The following SKAP1 variants were observed in gnomAD, a reference collection of about 807,000 sequenced individuals.
The protein encoded by SKAP1 is src kinase associated phosphoprotein 1.
In SKAP1, 44 loss-of-function variants were observed where a neutral mutation model predicts 58.5. That is an observed-to-expected ratio of 0.75 (90% CI 0.59 to 0.97). SKAP1 has a LOEUF of 0.97. Ranked by LOEUF, SKAP1 falls within the 50% of genes least tolerant of loss-of-function variation. SKAP1 has a pLI of 0.00. For missense variants in SKAP1, 390 were observed against 435.2 expected, an observed-to-expected ratio of 0.90 and a Z score of 0.92; for synonymous variants, 127 against 149.7, an observed-to-expected ratio of 0.85 and a Z score of 1.11.
intron 4 of SKAP1, among the ~76,000 whole-genome samples, chr17:48,255,926 A>G (rs1419869961): frequency 6.6e-6 from 1 of 152,148 alleles, no homozygotes; most frequent in African/African-American, 2.4e-5. Context: ...ACACTGCAAT[A>G]TTTACTAAAT....
intron 4 of SKAP1, among the ~76,000 whole-genome samples, chr17:48,203,377 G>C (rs557540959): frequency 9.9e-4 from 150 of 152,170 alleles, no homozygotes; most frequent in Non-Finnish European, 1.5e-3. Flanking sequence ...TGGTATAGAC[G>C]GATGAAATAG....
chr17:48,432,257 C>T (rs148626517), upstream of SKAP1, among the ~76,000 whole-genome samples: 10 of 152,144 alleles, frequency 6.6e-5, no homozygotes, highest in African/African-American at 2.2e-4. Flanking sequence ...AGTGAAACCC[C>T]GTCTCTACTA....
intron 4 of SKAP1, among the ~76,000 whole-genome samples, chr17:48,340,166 C>T (rs1380910217): frequency 6.6e-6 from 1 of 151,940 alleles, no homozygotes; most frequent in Non-Finnish European, 1.5e-5. Context: ...GGCAACAGAG[C>T]TAGACTCCGT....
chr17:48,439,106 A>G, the SKAP1 span, among the ~76,000 whole-genome samples: 2 of 152,236 alleles, frequency 1.3e-5, no homozygotes, highest in East Asian at 3.8e-4. Flanking sequence ...GAGTAGCTTC[A>G]GGGAATGGCT....
At chr17:48,439,912 C>A in the SKAP1 span, among the ~76,000 whole-genome samples, 1 of 152,180 alleles carries the variant, frequency 6.6e-6, no homozygotes, top group Non-Finnish European at 1.5e-5. Flanking sequence ...AGCACCTGCA[C>A]CCTATAGCCT....
chr17:48,311,124 G>T (rs1440589949), intron 4 of SKAP1, among the ~76,000 whole-genome samples: 1 of 152,046 alleles, frequency 6.6e-6, no homozygotes, highest in Admixed American at 6.6e-5. Context: ...GCATACAGGC[G>T]GAGTCTCACA....
At chr17:48,208,823 TC>T (rs1418368303) in intron 4 of SKAP1, among the ~76,000 whole-genome samples, 7 of 152,182 alleles carry the variant, frequency 4.6e-5, no homozygotes, top group African/African-American at 1.7e-4. Context: ...CAAAAGCTCT[TC>T]CTTTAATCCT....
At chr17:48,437,750 A>AAAAAG in the SKAP1 span, among the ~76,000 whole-genome samples, 1 of 151,332 alleles carries the variant, frequency 6.6e-6, no homozygotes, top group Admixed American at 6.6e-5. Context: ...TCAAAAAAAA[A>AAAAAG]AAAAAAAAAA....
At chr17:48,339,707 G>T (rs1450519605) in intron 4 of SKAP1, among the ~76,000 whole-genome samples, 1 of 152,082 alleles carries the variant, frequency 6.6e-6, no homozygotes, top group Non-Finnish European at 1.5e-5. Flanking sequence ...TGATCAGTGA[G>T]GTCATTTACC....
chr17:48,365,668 C>A lies in SKAP1; in HGVS notation c.153-1854G>T, dbSNP rs562675376. On this transcript the variant is annotated intron_variant, in intron 2 of 12. Coordinates refer to ENST00000336915, the MANE Select transcript of SKAP1 (RefSeq NM_003726.4). ...CAACATCCTCCAGTCAGGCTCAGAG[C>A]CATTGCATATTAACTCTTGCTATAG... is the stretch of plus-strand genomic sequence containing the variant. Among the ~76,000 whole-genome samples, 156 of 152,268 alleles carry A rather than the reference C, an allele frequency of 1.0e-3. 3 individuals are homozygous for A. The highest frequency in any genetic ancestry group is 4.4e-3 in the South Asian group (21 of 4,820).
chr17:48,401,755 A>G (rs376056389), intron 1 of SKAP1, among the ~76,000 whole-genome samples: 2 of 152,198 alleles, frequency 1.3e-5, no homozygotes, highest in African/African-American at 2.4e-5. Context: ...AAGCAACCAA[A>G]TACAAAAATA....
intron 8 of SKAP1, among the ~76,000 whole-genome samples, chr17:48,181,221 C>A (rs150965884): frequency 6.6e-6 from 1 of 152,306 alleles, no homozygotes; most frequent in African/African-American, 2.4e-5. Context: ...ATCAAAAACA[C>A]ATTTGTGGCT....
intron 4 of SKAP1, among the ~76,000 whole-genome samples, chr17:48,292,252 T>C (rs2065907938): frequency 6.6e-6 from 1 of 152,066 alleles, no homozygotes; most frequent in Non-Finnish European, 1.5e-5. Flanking sequence ...TTGGTGAATT[T>C]GTCATGATCA....
At chr17:48,414,374 C>T (rs754010130) in intron 1 of SKAP1, among the ~76,000 whole-genome samples, 2 of 152,016 alleles carry the variant, frequency 1.3e-5, no homozygotes, top group African/African-American at 4.8e-5. Flanking sequence ...ACATCATATG[C>T]AGAGGTCCAG....
chr17:48,203,696 C>T (rs1337898760), intron 4 of SKAP1: 1 of 152,058 alleles, frequency 6.6e-6, no homozygotes, highest in African/African-American at 2.4e-5. Flanking sequence ...AAGGTTGTTC[C>T]TGAACAAAAG....
chr17:48,241,685 A>G (rs1050220486), intron 4 of SKAP1, among the ~76,000 whole-genome samples: 7 of 152,248 alleles, frequency 4.6e-5, no homozygotes. Flanking sequence ...CCAGCCAAAG[A>G]AACATTCCAA....
intron 2 of SKAP1, among the ~76,000 whole-genome samples, chr17:48,387,407 A>G (rs1233136311): frequency 1.3e-5 from 2 of 152,086 alleles, no homozygotes; most frequent in Non-Finnish European, 2.9e-5. Flanking sequence ...TCTTCTCTCC[A>G]TCTCACCTCT....
At chr17:48,444,962 A>G in the SKAP1 span, among the ~76,000 whole-genome samples, 1 of 152,210 alleles carries the variant, frequency 6.6e-6, no homozygotes, top group Non-Finnish European at 1.5e-5. Flanking sequence ...CATCCTGCTC[A>G]GCTGAGTAGA....
intron 9 of SKAP1, among the ~76,000 whole-genome samples, chr17:48,173,641 A>G (rs1205645908): frequency 6.6e-6 from 1 of 152,110 alleles, no homozygotes; most frequent in Non-Finnish European, 1.5e-5. Context: ...AAGACCAATA[A>G]TTTGCTGTGC....
Sources: allele counts gnomAD v4.1 joint callset (sites outside exome capture counted in the v4.1 genomes callset), GRCh38; gene constraint gnomAD v4.1.1; transcripts MANE v1.5; gene names NCBI Gene and HGNC (gene_info 2026-07-23, HGNC 2026-07-21).